CEP295NL: variants seen among roughly 807,000 people sequenced by gnomAD.
CEP295NL encodes the protein CEP295 N-terminal like.
Under a neutral mutation model 4.6 loss-of-function variants are expected in CEP295NL, and 3 were observed. That is an observed-to-expected ratio of 0.65 (90% CI 0.30 to 1.69). The LOEUF (loss-of-function observed/expected upper bound fraction) is 1.69, where lower values mean the gene tolerates loss of function less well. Among genes scored for constraint, CEP295NL ranks in the 40% most tolerant of loss-of-function variants. The pLI is 0.10. For synonymous variants in CEP295NL, 295 were observed against 312.2 expected, an observed-to-expected ratio of 0.94 and a Z score of 0.58; for missense variants, 719 against 769.0, an observed-to-expected ratio of 0.93 and a Z score of 0.77.
rs60709877 is a variant in CEP295NL at position 78,891,610 on chromosome 17, T to C, written c.894A>G (p.Gly298=). ...CTCTCAGCTTCCCCTCCAGACTCTG[T>C]CCCTGAGAGCGACTGGTCAGGGCTG... ...FVPALTSRSQ[G]QSLEGKLRDL... The change falls in exon 3 of 3, where the codon GGA becomes GGG. Residue 298 remains glycine (G), a synonymous_variant. Coordinates refer to ENST00000322630, the MANE Select transcript of CEP295NL (RefSeq NM_001243540.2). This position sits in a 1 kb window ranked among gnomAD's most constrained non-coding sequence, Gnocchi z 4.5. 3,669 of 1,550,902 alleles carry C rather than the reference T, an allele frequency of 2.4e-3. 54 individuals carry two copies. The African/African-American group carries it at 0.042, about 18-fold the overall frequency.
rs1383213122 is a variant in CEP295NL, at chr17:78,890,898, C to T, written c.1606G>A (p.Ala536Thr). The T allele has an allele frequency of 6.4e-7, 1 of 1,550,714 alleles. No individual in the cohort carries two copies. Among genetic ancestry groups the T allele is most frequent in the South Asian group, 1.2e-5 (1 of 84,062 alleles). Residue 536 changes from alanine (A) to threonine (T), a missense_variant, in exon 3 of 3, where the codon GCT becomes ACT. Coordinates refer to ENST00000322630, the MANE Select transcript of CEP295NL (RefSeq NM_001243540.2). ...PDMSLEIHYK[A>T]ELEKERREQR... ...TCCCTCCTCTCTTTTTCTAGCTCAG[C>T]TTTGTAGTGGATTTCCAAGCTCATA...
Position 78,890,999 on chromosome 17 carries a change from C to T in CEP295NL, c.1505G>A (p.Arg502Lys), listed in dbSNP as rs970492245. ...QADRVGSTAS[R>K]QRQKAEMEQR... ...CTCCATCTCTGCTTTCTGCCTTTGCCTGGATGCCGTCGAGCCCACTCTGTC... is the reference window on the plus strand; with the variant it reads ...CTCCATCTCTGCTTTCTGCCTTTGCTTGGATGCCGTCGAGCCCACTCTGTC... Residue 502 changes from arginine (R) to lysine (K), a missense_variant, in exon 3 of 3, where the codon AGG becomes AAG. Arg to Lys is a conservative substitution (Grantham distance 26). Coordinates refer to ENST00000322630, the MANE Select transcript of CEP295NL (RefSeq NM_001243540.2). 14 of 1,551,052 alleles carry T rather than the reference C, an allele frequency of 9.0e-6. No homozygotes were observed. The African/African-American group carries it at 1.8e-4, about 20-fold the overall frequency.
At chr17:78,898,572 C>G (rs563789598) in intron 2 of CEP295NL, 1 of 152,394 alleles carries the variant, frequency 6.6e-6, no homozygotes, top group African/African-American at 2.4e-5. Context: ...GTTGGTGCCT[C>G]TGAGTTCATC....
intron 2 of CEP295NL, chr17:78,900,069 T>G (rs995384392): frequency 6.6e-6 from 1 of 152,174 alleles, no homozygotes; most frequent in African/African-American, 2.4e-5. Context: ...TGGATTGTCT[T>G]TGGGATGATA....
intron 2 of CEP295NL, among the ~76,000 whole-genome samples, chr17:78,894,695 G>A (rs1038761110): frequency 4.6e-5 from 7 of 151,872 alleles, no homozygotes; most frequent in Non-Finnish European, 7.4e-5. Flanking sequence ...AACTATAAAC[G>A]CTTAGAAGAA....
rs1568004667 is a variant in CEP295NL at position 78,901,869 on chromosome 17, T to A, written c.-41A>T. The A allele has an allele frequency of 1.5e-6, 1 of 680,868 alleles. No individual in the cohort carries two copies. The highest frequency in any genetic ancestry group is 2.3e-5 in the Admixed American group (1 of 44,430). 42.2% of individuals were successfully genotyped at this position (680,868 alleles called of 1,614,324 possible). A position where few individuals can be genotyped will look rare whatever the true frequency, so the allele number is the denominator to read the frequency against. ...GCTGACAGGAGGGCAGGAAGCACTG[T>A]CTCCAGGGCTGTCTTGAAATCACTG... On this transcript the variant is annotated 5_prime_UTR_variant, in exon 2 of 3. Coordinates refer to ENST00000322630, the MANE Select transcript of CEP295NL (RefSeq NM_001243540.2).
At chr17:78,893,061 G>A (rs1262700568) in intron 2 of CEP295NL, among the ~76,000 whole-genome samples, 1 of 151,782 alleles carries the variant, frequency 6.6e-6, no homozygotes, top group African/African-American at 2.4e-5. Context: ...AAGCATGTGT[G>A]TGTGCAGGAG....
At position 78,891,782 on chromosome 17, in the gene CEP295NL, T is replaced by C. The variant is rs1179002350; in HGVS notation, c.722A>G (p.His241Arg). The change falls in exon 3 of 3, where the codon CAT becomes CGT. Residue 241 changes from histidine to arginine, a missense_variant. His to Arg is a conservative substitution (Grantham distance 29). Coordinates refer to ENST00000322630, the MANE Select transcript of CEP295NL (RefSeq NM_001243540.2). The surrounding 1 kb of genome is among the most constrained non-coding windows in gnomAD (Gnocchi z 4.5). ...GTCCGCCCCTTTGCTCCTCCGAGGA[T>C]GGATGGCACAGCGGCCACCCCCAGA... ...TKSGGGRCAIHPRRSKGADLE... is the reference protein window; with the variant it reads ...TKSGGGRCAIRPRRSKGADLE... 1.9e-6 allele frequency: 3 copies of C among 1,551,148 alleles called. No individual in the cohort carries two copies. The East Asian group carries it at 7.3e-5, about 38-fold the overall frequency.
intron 2 of CEP295NL, among the ~76,000 whole-genome samples, chr17:78,894,783 A>G (rs2069972184): frequency 6.6e-6 from 1 of 152,198 alleles, no homozygotes; most frequent in African/African-American, 2.4e-5. Flanking sequence ...CCAATAAACA[A>G]AGAAACGGAT....
At position 78,891,333 on chromosome 17, in the gene CEP295NL, T is replaced by C. The variant is rs1478449106; in HGVS notation, c.1171A>G (p.Arg391Gly). Residue 391 changes from arginine (R) to glycine (G), a missense_variant, in exon 3 of 3, where the codon AGA (arginine) becomes GGA (glycine). Transcript: ENST00000322630. The surrounding 1 kb of genome is among the most constrained non-coding windows in gnomAD (Gnocchi z 4.5). ...TCTGGGTCTGCCATTTTCTTCCCTC[T>C]TGGGGTCCCAGCGCCACACTCTTGC... ...EMQECGAGTP[R>G]GKKMADPEML... 26 of 1,550,168 alleles carry C rather than the reference T, an allele frequency of 1.7e-5. No homozygotes were observed. The highest frequency in any genetic ancestry group is 2.4e-5 in the East Asian group (1 of 40,924).
chr17:78,894,354 C>T (rs1599163726), intron 2 of CEP295NL, among the ~76,000 whole-genome samples: 1 of 152,128 alleles, frequency 6.6e-6, no homozygotes, highest in East Asian at 1.9e-4. Context: ...CTGGCTTTGA[C>T]TTAAGTCTTC....
chr17:78,901,739 C>T (rs1472511570), intron 2 of CEP295NL, 46 bp downstream of exon 2: 1 of 717,302 alleles, frequency 1.4e-6, no homozygotes, highest in Non-Finnish European at 2.6e-6. Flanking sequence ...GTGCTTGTCA[C>T]CACGAGAAGC....
intron 2 of CEP295NL, chr17:78,897,068 G>A (rs1328364556): frequency 6.6e-6 from 6 of 913,114 alleles, no homozygotes; most frequent in Non-Finnish European, 5.2e-6. Context: ...CCCAGGCAGC[G>A]TGGAAGTGCC....
At chr17:78,901,742 C>A (rs1157671499) in intron 2 of CEP295NL, 43 bp downstream of exon 2, 2 of 717,256 alleles carry the variant, frequency 2.8e-6, no homozygotes, top group Non-Finnish European at 5.2e-6. Context: ...CTTGTCACCA[C>A]GAGAAGCACC....
At chr17:78,893,515 G>A (rs928110162) in intron 2 of CEP295NL, among the ~76,000 whole-genome samples, 2 of 147,714 alleles carry the variant, frequency 1.4e-5, no homozygotes, top group Admixed American at 6.6e-5. Context: ...GGGTGTGTGC[G>A]TGTGCACATC....
Position 78,896,560 on chromosome 17 carries a change from C to T in CEP295NL, c.45-4101G>A, listed in dbSNP as rs569783258. On this transcript the variant is annotated intron_variant, in intron 2 of 2. Coordinates refer to ENST00000322630, the MANE Select transcript of CEP295NL (RefSeq NM_001243540.2). This position sits in a 1 kb window ranked among gnomAD's most constrained non-coding sequence, Gnocchi z 4.4. ...CCTGGCGCTCCTCTGTCCTCCACATCCTCTGAGTGTTCTGAGCATCCTGGG... is the reference window on the plus strand; with the variant it reads ...CCTGGCGCTCCTCTGTCCTCCACATTCTCTGAGTGTTCTGAGCATCCTGGG... 2.0e-5 allele frequency among the ~76,000 whole-genome samples: 3 copies of T among 152,168 alleles called. No homozygotes were observed. The highest frequency in any genetic ancestry group is 4.4e-5 in the Non-Finnish European group (3 of 68,024).
At chr17:78,902,119 T>C (rs1179169601) in intron 1 of CEP295NL, among the ~76,000 whole-genome samples, 193 bp from the exon 2 acceptor site, 2 of 152,240 alleles carry the variant, frequency 1.3e-5, no homozygotes, top group Admixed American at 6.5e-5. Context: ...CCCAAGCCAC[T>C]GCACTGGGTT....
intron 2 of CEP295NL, among the ~76,000 whole-genome samples, chr17:78,893,457 A>G (rs1400387945): frequency 8.7e-5 from 8 of 92,468 alleles, no homozygotes; most frequent in African/African-American, 2.7e-4. Context: ...CTGTGTGTGC[A>G]GGGGTGTGTG....
intron 2 of CEP295NL, among the ~76,000 whole-genome samples, chr17:78,895,973 AG>A (rs1210143187): frequency 6.6e-6 from 1 of 152,258 alleles, no homozygotes; most frequent in Admixed American, 6.5e-5. Flanking sequence ...ACCCCGTGCC[AG>A]CCCCACTGGC....
Sources: allele counts gnomAD v4.1 joint callset (sites outside exome capture counted in the v4.1 genomes callset), GRCh38; gene constraint gnomAD v4.1.1; non-coding constraint Gnocchi (gnomAD v3.1); transcripts MANE v1.5; gene names NCBI Gene and HGNC (gene_info 2026-07-23, HGNC 2026-07-21).